The following STXBP6 variants were observed in gnomAD, a reference collection of about 807,000 sequenced individuals.
The protein encoded by STXBP6 is syntaxin-binding protein 6.
A neutral mutation model predicts 26.9 loss-of-function variants in STXBP6; 21 were observed. The ratio of observed to expected loss-of-function variants is 0.78; its 90% CI spans 0.55 to 1.12. The LOEUF is 1.12. Among genes scored for constraint, STXBP6 ranks in the 50% most tolerant of loss-of-function variants. STXBP6 has a pLI of 0.00. For synonymous variants in STXBP6, 97 were observed against 92.6 expected (o/e 1.05, Z -0.27); for missense variants, 232 against 257.9 (o/e 0.90, Z 0.69).
chr14:24,852,972 C>A (rs1183234888), intron 4 of STXBP6, among the ~76,000 whole-genome samples: 1 of 152,042 alleles, frequency 6.6e-6, no homozygotes, highest in Non-Finnish European at 1.5e-5. Context: ...CTGTTTCCTT[C>A]TCTATAAAAT....
chr14:24,857,719 G>C (rs2069388428), intron 2 of STXBP6, among the ~76,000 whole-genome samples: 1 of 151,732 alleles, frequency 6.6e-6, no homozygotes, highest in African/African-American at 2.4e-5. Flanking sequence ...TTTGTATCTA[G>C]TTTGCATCTA....
chr14:24,901,357 A>G (rs947937935), intron 2 of STXBP6, among the ~76,000 whole-genome samples: 8 of 152,178 alleles, frequency 5.3e-5, no homozygotes, highest in Non-Finnish European at 1.2e-4. Flanking sequence ...CCCCCCCAAA[A>G]AAAGACTGGC....
intron 1 of STXBP6, among the ~76,000 whole-genome samples, chr14:25,006,299 G>A (rs540086708): frequency 1.3e-5 from 2 of 152,288 alleles, no homozygotes; most frequent in South Asian, 4.1e-4. Flanking sequence ...GGCTCAGGAA[G>A]AGGAAAACAT....
intron 2 of STXBP6, among the ~76,000 whole-genome samples, chr14:24,958,742 T>C (rs1428971093): frequency 2.0e-5 from 3 of 152,192 alleles, no homozygotes; most frequent in Non-Finnish European, 4.4e-5. Flanking sequence ...CATTTTTTTT[T>C]CTGTAATACT....
intron 1 of STXBP6, among the ~76,000 whole-genome samples, chr14:24,993,607 G>A (rs2074528491): frequency 6.6e-6 from 1 of 152,176 alleles, no homozygotes; most frequent in Non-Finnish European, 1.5e-5. Context: ...TTTTCCAGCA[G>A]TCTGTCAGCC....
intron 4 of STXBP6, among the ~76,000 whole-genome samples, chr14:24,847,366 T>A (rs955947516): frequency 1.3e-5 from 2 of 152,166 alleles, no homozygotes; most frequent in African/African-American, 2.4e-5. Context: ...GGTAAATGTT[T>A]CTAACTTAAG....
intron 2 of STXBP6, among the ~76,000 whole-genome samples, chr14:24,961,780 C>T (rs755599060): frequency 6.6e-6 from 1 of 150,648 alleles, no homozygotes; most frequent in Non-Finnish European, 1.5e-5. Flanking sequence ...TGCACGTGTA[C>T]CCTGTAAATC....
intron 1 of STXBP6, among the ~76,000 whole-genome samples, chr14:25,024,312 A>T (rs2075310434): frequency 6.6e-6 from 1 of 152,168 alleles, no homozygotes; most frequent in Non-Finnish European, 1.5e-5. Context: ...CTGACTCAAA[A>T]AAAAAAAAAA....
chr14:24,927,284 T>C (rs1243475598), intron 2 of STXBP6, among the ~76,000 whole-genome samples: 1 of 152,156 alleles, frequency 6.6e-6, no homozygotes, highest in Non-Finnish European at 1.5e-5. Context: ...CTCCAGAGGG[T>C]CCTTCTGCAC....
intron 2 of STXBP6, among the ~76,000 whole-genome samples, chr14:24,860,908 T>C (rs854335): frequency 0.9 from 135,605 of 150,718 alleles, 61,949 homozygotes; most frequent in East Asian, 1. Flanking sequence ...ACAATCAGTA[T>C]ATACCACCTC....
chr14:24,975,510 C>T (rs1301947018), intron 1 of STXBP6, among the ~76,000 whole-genome samples: 1 of 152,148 alleles, frequency 6.6e-6, no homozygotes, highest in African/African-American at 2.4e-5. Context: ...GACAAACACT[C>T]CACATTTTCC....
intron 2 of STXBP6, among the ~76,000 whole-genome samples, chr14:24,952,857 A>C (rs1216712117): frequency 3.3e-5 from 5 of 152,208 alleles, no homozygotes; most frequent in Admixed American, 3.3e-4. Flanking sequence ...CAGAGGAGGA[A>C]ACCATACCAG....
chr14:24,894,745 C>G (rs940452774), intron 2 of STXBP6, among the ~76,000 whole-genome samples: 1 of 152,322 alleles, frequency 6.6e-6, no homozygotes, highest in East Asian at 1.9e-4. Flanking sequence ...CCCTCTCTAC[C>G]AGCCTAAGGA....
At chr14:24,928,503 T>G (rs531084585) in intron 2 of STXBP6, among the ~76,000 whole-genome samples, 1 of 152,202 alleles carries the variant, frequency 6.6e-6, no homozygotes, top group Non-Finnish European at 1.5e-5. Flanking sequence ...CTTTTCCTAC[T>G]AGCTTATTAG....
At chr14:24,920,275 T>G (rs1178617323) in intron 2 of STXBP6, among the ~76,000 whole-genome samples, 2 of 152,098 alleles carry the variant, frequency 1.3e-5, no homozygotes, top group African/African-American at 4.8e-5. Context: ...ATTTTAAAAA[T>G]AAAGGTGTGT....
chr14:25,008,429 A>G (rs960398563), intron 1 of STXBP6, among the ~76,000 whole-genome samples: 1 of 152,148 alleles, frequency 6.6e-6, no homozygotes, highest in African/African-American at 2.4e-5. Flanking sequence ...GGCTGTAGTG[A>G]GCCATGAGCA....
intron 2 of STXBP6, among the ~76,000 whole-genome samples, chr14:24,923,115 A>C (rs1047459060): frequency 4.6e-5 from 7 of 152,140 alleles, no homozygotes; most frequent in African/African-American, 1.7e-4. Flanking sequence ...CCCTGCCTCC[A>C]TAAAAGATGA....
chr14:24,889,445 T>G (rs2070712340), intron 2 of STXBP6, among the ~76,000 whole-genome samples: 1 of 145,376 alleles, frequency 6.9e-6, no homozygotes, highest in African/African-American at 2.5e-5. Flanking sequence ...GGGATAGCAT[T>G]AGGAGATATA....
At chr14:24,953,764 C>A (rs1023719953) in intron 2 of STXBP6, among the ~76,000 whole-genome samples, 5 of 152,196 alleles carry the variant, frequency 3.3e-5, no homozygotes, top group Admixed American at 6.5e-5. Flanking sequence ...AAAAAACTAT[C>A]TCAGGCTAAA....
Sources: allele counts gnomAD v4.1 joint callset (sites outside exome capture counted in the v4.1 genomes callset), GRCh38; gene constraint gnomAD v4.1.1; transcripts MANE v1.5; gene names NCBI Gene and HGNC (gene_info 2026-07-23, HGNC 2026-07-21).